SEMA3A: variants seen among roughly 807,000 people sequenced by gnomAD.
SEMA3A encodes the protein semaphorin 3A.
In SEMA3A, 29 loss-of-function variants were observed where a neutral mutation model predicts 97.9. That is an observed-to-expected ratio of 0.30 (90% CI 0.22 to 0.40). The LOEUF (loss-of-function observed/expected upper bound fraction) is 0.40. SEMA3A is among the 10% of genes least tolerant of loss of function. The pLI is 1.00. For synonymous variants in SEMA3A, 321 were observed against 323.7 expected, an observed-to-expected ratio of 0.99 and a Z score of 0.09; for missense variants, 763 against 951.3, an observed-to-expected ratio of 0.80 and a Z score of 2.60.
At chr7:84,440,509 A>C (rs1805245600) in intron 1 of SEMA3A, among the ~76,000 whole-genome samples, 1 of 152,194 alleles carries the variant, frequency 6.6e-6, no homozygotes. Context: ...TATGGGACTT[A>C]AAGGGCCAAT....
rs1228936 is a variant in SEMA3A, at chr7:84,463,397, T to C, written c.-246+29063A>G. ...CCGAGTAGCTGGGACTACAGGCACC[T>C]GCCACCACGCCCGGCTAATTTTTTG... On this transcript the variant is annotated intron_variant, in intron 1 of 3. Coordinates refer to the SEMA3A transcript ENST00000424555. Among the ~76,000 whole-genome samples the C allele has an allele frequency of 3.8e-3, 580 of 151,626 alleles. 4 individuals carry two copies. Among genetic ancestry groups the C allele is most frequent in the African/African-American group, 7.9e-3 (327 of 41,396 alleles).
intron 1 of SEMA3A, among the ~76,000 whole-genome samples, chr7:84,436,080 A>T (rs1232370783): frequency 6.6e-6 from 1 of 152,224 alleles, no homozygotes; most frequent in Non-Finnish European, 1.5e-5. Flanking sequence ...AGCAATGGGG[A>T]AAGAACTTCC....
intron 1 of SEMA3A, among the ~76,000 whole-genome samples, chr7:84,480,585 G>C (rs1347300153): frequency 6.6e-6 from 1 of 152,146 alleles, no homozygotes; most frequent in Non-Finnish European, 1.5e-5. Context: ...GTTGGCCTGA[G>C]CAGAAGATTA....
chr7:84,457,608 C>T (rs16887713), intron 1 of SEMA3A, among the ~76,000 whole-genome samples: 4,046 of 151,846 alleles, frequency 0.027, 164 homozygotes, highest in African/African-American at 0.093. Flanking sequence ...GCATTTCTGC[C>T]AGATTAAAAA....
At chr7:84,029,948 AGAT>A (rs776557874) in intron 6 of SEMA3A, among the ~76,000 whole-genome samples, 47 of 152,140 alleles carry the variant, frequency 3.1e-4, no homozygotes, top group Non-Finnish European at 5.9e-4. Context: ...TTGAAGGAAA[AGAT>A]GATCGTCTTT....
chr7:84,370,908 T>C (rs1290184120), intron 2 of SEMA3A, among the ~76,000 whole-genome samples: 1 of 151,446 alleles, frequency 6.6e-6, no homozygotes, highest in Non-Finnish European at 1.5e-5. Context: ...ATGAAACTAC[T>C]AATTCATTTA....
At chr7:84,249,455 CT>C (rs1319081928) in intron 3 of SEMA3A, among the ~76,000 whole-genome samples, 2 of 151,394 alleles carry the variant, frequency 1.3e-5, no homozygotes, top group South Asian at 2.1e-4. Flanking sequence ...TATTTAACTT[CT>C]TTTTGCCAAT....
intron 1 of SEMA3A, among the ~76,000 whole-genome samples, chr7:84,455,605 T>A (rs1805668096): frequency 6.6e-6 from 1 of 151,978 alleles, no homozygotes; most frequent in African/African-American, 2.4e-5. Flanking sequence ...GAAGACTTTT[T>A]TTCAGAGTGA....
At chr7:84,250,700 A>G (rs1799587430) in intron 3 of SEMA3A, among the ~76,000 whole-genome samples, 1 of 152,012 alleles carries the variant, frequency 6.6e-6, no homozygotes, top group Non-Finnish European at 1.5e-5. Context: ...TTGGCACTTT[A>G]CATTTAACTT....
At chr7:84,294,621 C>CA (rs1307503262) in intron 3 of SEMA3A, among the ~76,000 whole-genome samples, 1 of 151,976 alleles carries the variant, frequency 6.6e-6, no homozygotes, top group Non-Finnish European at 1.5e-5. Context: ...CTCATGATGG[C>CA]ATATTTTGAT....
chr7:84,424,719 A>AT (rs1804728142), intron 1 of SEMA3A, among the ~76,000 whole-genome samples: 1 of 100,014 alleles, frequency 1.0e-5, no homozygotes, highest in Non-Finnish European at 1.7e-5. Context: ...TAATATATAA[A>AT]TTATTTATAT....
At chr7:84,419,927 G>A (rs911606904) in intron 1 of SEMA3A, among the ~76,000 whole-genome samples, 24 of 152,038 alleles carry the variant, frequency 1.6e-4, no homozygotes, top group African/African-American at 3.9e-4. Flanking sequence ...TGTTGCCTCC[G>A]GCATTCAAGG....
chr7:84,013,616 G>T (rs536004669), intron 7 of SEMA3A, among the ~76,000 whole-genome samples: 11 of 152,132 alleles, frequency 7.2e-5, no homozygotes, highest in African/African-American at 2.7e-4. Flanking sequence ...AGCCCTTTCG[G>T]GGGCCAAATC....
chr7:84,227,150 A>C (rs1007866450), intron 3 of SEMA3A, among the ~76,000 whole-genome samples: 4 of 151,620 alleles, frequency 2.6e-5, no homozygotes, highest in East Asian at 3.9e-4. Flanking sequence ...AGATATCTAT[A>C]TATCTATCTA....
chr7:84,269,130 T>C (rs1800082928), intron 3 of SEMA3A, among the ~76,000 whole-genome samples: 1 of 152,142 alleles, frequency 6.6e-6, no homozygotes, highest in Non-Finnish European at 1.5e-5. Flanking sequence ...TTGTTATGAG[T>C]AGAATTTTTT....
chr7:84,397,107 G>C (rs572741251), intron 1 of SEMA3A, among the ~76,000 whole-genome samples: 2 of 151,982 alleles, frequency 1.3e-5, no homozygotes, highest in South Asian at 2.1e-4. Flanking sequence ...GTTGTGAAAG[G>C]CATACAAAAT....
intron 1 of SEMA3A, among the ~76,000 whole-genome samples, chr7:84,416,298 A>G (rs1273894287): frequency 1.3e-5 from 2 of 151,736 alleles, no homozygotes; most frequent in Non-Finnish European, 2.9e-5. Context: ...CTTCTTCCTC[A>G]TTTTCTCTTG....
chr7:84,314,303 G>A (rs1801441704), intron 2 of SEMA3A, among the ~76,000 whole-genome samples: 1 of 151,918 alleles, frequency 6.6e-6, no homozygotes, highest in Admixed American at 6.6e-5. Flanking sequence ...TAGTTCTTTG[G>A]TAATATCAGA....
intron 1 of SEMA3A, among the ~76,000 whole-genome samples, chr7:84,154,429 G>A (rs1019668475): frequency 2.0e-5 from 3 of 152,016 alleles, no homozygotes; most frequent in African/African-American, 7.3e-5. Context: ...TGTAATCCCA[G>A]CAATTTGGAA....
Sources: gnomAD v4.1 joint callset for allele counts (sites outside exome capture counted in the v4.1 genomes callset) on GRCh38, gnomAD v4.1.1 for gene constraint, MANE v1.5 for transcripts, NCBI Gene and HGNC (gene_info 2026-07-23, HGNC 2026-07-21) for gene names.